SYS1: variants seen among roughly 807,000 people sequenced by gnomAD.
SYS1 encodes the protein SYS1 golgi trafficking protein, also known as protein SYS1 homolog.
In SYS1, 8 loss-of-function variants were observed where a neutral mutation model predicts 17.8. The ratio of observed to expected loss-of-function variants is 0.45; its 90% CI spans 0.26 to 0.81. The LOEUF is 0.81. Ranked by LOEUF, SYS1 falls within the 40% of genes least tolerant of loss-of-function variation. The probability of loss-of-function intolerance (pLI) is 0.16; values close to 1 mark genes in which losing one functional copy is unlikely to be tolerated. For synonymous variants in SYS1, 95 were observed against 90.9 expected, an observed-to-expected ratio of 1.05 and a Z score of -0.26; for missense variants, 161 against 203.9, an observed-to-expected ratio of 0.79 and a Z score of 1.28.
downstream of SYS1, chr20:45,373,736 G>A: frequency 3.2e-6 from 2 of 627,464 alleles, no homozygotes; most frequent in Non-Finnish European, 5.6e-6. Flanking sequence ...GGTGCTGCTC[G>A]CTGGCTTCTT....
intron 1 of SYS1, 30 bp downstream of exon 1, chr20:45,363,345 GGGC>G (rs1988284385): frequency 7.0e-7 from 1 of 1,421,040 alleles, no homozygotes. Context: ...GCTCGTGTAC[GGGC>G]GGGGGCCGCG....
At position 45,365,635 on chromosome 20, in the gene SYS1, C is replaced by T. The variant is rs140247642; in HGVS notation, c.179C>T (p.Thr60Ile). ...MFDAEILGFS[T>I]PPGRLSMMSF... ...CCCCCTCAGATCCTGGGCTTTTCCA[C>T]CCCTCCAGGCCGGCTCTCCATGATG... The change falls in exon 3 of 4, where the codon ACC becomes ATC. Residue 60 changes from threonine to isoleucine, a missense_variant. Thr to Ile is a moderately conservative substitution (Grantham distance 89). Coordinates refer to ENST00000243918, the MANE Select transcript of SYS1 (RefSeq NM_033542.4). The T allele has an allele frequency of 1.9e-6, 3 of 1,614,154 alleles. No homozygotes were observed. The highest frequency in any genetic ancestry group is 2.5e-6 in the Non-Finnish European group (3 of 1,179,994).
In SYS1 at chr20:45,363,634, G is replaced by A; in HGVS notation, c.103G>A (p.Ala35Thr). The change falls in exon 2 of 4, where the codon GCG (alanine) becomes ACG (threonine). Residue 35 changes from alanine (A) to threonine (T), a missense_variant. By Grantham distance (58) the Ala-to-Thr change is moderately conservative (BLOSUM62 0). Coordinates refer to ENST00000243918, the MANE Select transcript of SYS1 (RefSeq NM_033542.4). ...VYYGSLGLWL[A>T]LVDGLVRSSP... ...TTACGGCTCGCTGGGCCTGTGGCTGGCGCTGGTGGACGGGCTAGTGCGAAG... is the reference window on the plus strand; with the variant it reads ...TTACGGCTCGCTGGGCCTGTGGCTGACGCTGGTGGACGGGCTAGTGCGAAG... 1 of 1,583,114 alleles carries A rather than the reference G, an allele frequency of 6.3e-7. No homozygotes were observed. The highest frequency in any genetic ancestry group is 1.3e-5 in the African/African-American group (1 of 74,396).
chr20:45,363,083 C>G (rs1169371002), upstream of SYS1: 2 of 992,404 alleles, frequency 2.0e-6, no homozygotes, highest in Non-Finnish European at 1.2e-6. Context: ...TCAGGAGGTT[C>G]AGGCAGAGGT....
At chr20:45,371,950 A>G (rs16990058), downstream of SYS1, among the ~76,000 whole-genome samples, 6,596 of 152,326 alleles carry the variant, frequency 0.043, 475 homozygotes, top group African/African-American at 0.15. Context: ...TCACTATTTT[A>G]TAAACATGAA....
downstream of SYS1, among the ~76,000 whole-genome samples, chr20:45,369,752 C>T (rs1238551415): frequency 6.6e-6 from 1 of 151,912 alleles, no homozygotes; most frequent in East Asian, 1.9e-4. Context: ...TAGGCACATG[C>T]CACCACGCCC....
At chr20:45,374,221 G>T (rs1439172656) in intron 3 of SYS1, 16 of 683,732 alleles carry the variant, frequency 2.3e-5, no homozygotes, top group Non-Finnish European at 4.2e-5. Context: ...AAAGGGCTGC[G>T]GTATTTTCTT....
downstream of SYS1, chr20:45,373,979 C>T (rs1209775805): frequency 2.5e-6 from 4 of 1,613,980 alleles, no homozygotes; most frequent in East Asian, 8.9e-5. Flanking sequence ...ACCCTCTGCT[C>T]GCACCTCTGG....
chr20:45,361,950 C>CGGA, upstream of SYS1: 1 of 980,564 alleles, frequency 1.0e-6, no homozygotes, highest in South Asian at 4.7e-5. Context: ...GAACAACTTA[C>CGGA]TTCCCGTCTT....
At chr20:45,365,229 A>G (rs1988371073) in intron 2 of SYS1, 2 of 337,902 alleles carry the variant, frequency 5.9e-6, no homozygotes, top group African/African-American at 2.1e-5. Context: ...GCTGCTATAG[A>G]CAAATATATA....
chr20:45,374,811 A>C, exon 4 of SYS1: 2 of 577,622 alleles, frequency 3.5e-6, no homozygotes, highest in Admixed American at 3.3e-5. Context: ...CCCTCCTTCC[A>C]CACATCTCCT....
exon 4 of SYS1, chr20:45,375,190 T>C: frequency 1.9e-6 from 3 of 1,614,136 alleles, no homozygotes; most frequent in South Asian, 2.2e-5. Flanking sequence ...GATCCACTGG[T>C]CGGCTACATC....
At chr20:45,362,253 T>C (rs1988245376), upstream of SYS1, among the ~76,000 whole-genome samples, 1 of 152,242 alleles carries the variant, frequency 6.6e-6, no homozygotes, top group Non-Finnish European at 1.5e-5. Flanking sequence ...CATCTGTGTC[T>C]CAGGGCAGGG....
At chr20:45,365,360 G>A (rs1250729593) in intron 2 of SYS1, 1 of 561,020 alleles carries the variant, frequency 1.8e-6, no homozygotes, top group Non-Finnish European at 3.3e-6. Context: ...ATTACTTTGG[G>A]CAACTTAACT....
At chr20:45,362,052 C>T, upstream of SYS1, 1 of 983,710 alleles carries the variant, frequency 1.0e-6, no homozygotes, top group Non-Finnish European at 1.2e-6. Flanking sequence ...TTTGCTCTTG[C>T]TTTTTCTGTT....
At position 45,367,509 on chromosome 20, in the gene SYS1, A is replaced by G. The variant is rs1568918398; in HGVS notation, c.*394A>G. 4 of 1,017,298 alleles carry G rather than the reference A, an allele frequency of 3.9e-6. No individual in the cohort carries two copies. The highest frequency in any genetic ancestry group is 4.7e-6 in the Non-Finnish European group (4 of 847,604). The allele number at this position is 1,017,298 out of a possible 1,614,324, so 63.0% of individuals were successfully genotyped here. ...GTCTTACCCCCCTGGGACAGCTGTT[A>G]CCTTTGCAGTGTTGCCGAATCACAG... On this transcript the variant is annotated 3_prime_UTR_variant, in exon 4 of 4. Coordinates refer to ENST00000243918, the MANE Select transcript of SYS1 (RefSeq NM_033542.4).
At chr20:45,370,151 T>G (rs1988531504), downstream of SYS1, among the ~76,000 whole-genome samples, 1 of 151,906 alleles carries the variant, frequency 6.6e-6, no homozygotes, top group African/African-American at 2.4e-5. Context: ...TCTCGAACTC[T>G]TGGCCTCTCA....
chr20:45,367,250 TAGTG>T lies in SYS1; in HGVS notation c.*138_*141del. The T allele has an allele frequency of 6.7e-7, 1 of 1,485,326 alleles. No individual in the cohort carries two copies. Among genetic ancestry groups the T allele is most frequent in the Non-Finnish European group, 8.9e-7 (1 of 1,120,578 alleles). The allele number at this position is 1,485,326 out of a possible 1,614,324, so 92.0% of individuals were successfully genotyped here. On this transcript the variant is annotated 3_prime_UTR_variant, in exon 4 of 4. Coordinates refer to ENST00000243918, the MANE Select transcript of SYS1 (RefSeq NM_033542.4). ...GAAGTCTCTGTTGGTTTGGGAGAGATAGTGAGGGCCTGTCAAAGAAGGCAGGTAG... is the reference window on the plus strand; with the variant it reads ...GAAGTCTCTGTTGGTTTGGGAGAGATAGGGCCTGTCAAAGAAGGCAGGTAG...
chr20:45,363,639 G>T lies in SYS1; in HGVS notation c.108G>T (p.Leu36=), dbSNP rs1456863693. The change falls in exon 2 of 4, where the codon CTG becomes CTT. Residue 36 remains leucine, a synonymous_variant. Transcript: ENST00000243918. ...YYGSLGLWLA[L]VDGLVRSSPS... Reference sequence around the variant, plus strand: ...GCTCGCTGGGCCTGTGGCTGGCGCTGGTGGACGGGCTAGTGCGAAGCAGCC... The same window carrying T: ...GCTCGCTGGGCCTGTGGCTGGCGCTTGTGGACGGGCTAGTGCGAAGCAGCC... 4.4e-6 allele frequency: 7 copies of T among 1,580,812 alleles called. No homozygotes were observed. Among genetic ancestry groups the T allele is most frequent in the Non-Finnish European group, 6.0e-6 (7 of 1,164,666 alleles).
Sources: gnomAD v4.1 joint callset for allele counts (sites outside exome capture counted in the v4.1 genomes callset) on GRCh38, gnomAD v4.1.1 for gene constraint, MANE v1.5 for transcripts, NCBI Gene and HGNC (gene_info 2026-07-23, HGNC 2026-07-21) for gene names.